The following RSPH14 variants were observed in gnomAD, a reference collection of about 807,000 sequenced individuals.
The protein encoded by RSPH14 is rhabdoid tumor deletion region gene 1.
RSPH14 carries 20 observed loss-of-function variants against 26.7 expected under a neutral mutation model. The observed-to-expected ratio is 0.75, with a 90% CI of 0.53 to 1.09. The LOEUF is 1.09. RSPH14 is among the 50% of genes least tolerant of loss of function. The probability of loss-of-function intolerance (pLI) is 0.00; values close to 1 mark genes in which losing one functional copy is unlikely to be tolerated. For missense variants in RSPH14, 449 were observed against 457.2 expected, an observed-to-expected ratio of 0.98 and a Z score of 0.16; for synonymous variants, 177 against 189.3, an observed-to-expected ratio of 0.93 and a Z score of 0.53.
the RSPH14 span, chr22:23,153,692 CTTTTT>C: frequency 9.8e-4 from 269 of 273,160 alleles, no homozygotes; most frequent in South Asian, 1.8e-3. Flanking sequence ...CCACTTCTGT[CTTTTT>C]TTTTTTTTTT....
chr22:23,069,642 C>G (rs2041299079), intron 4 of RSPH14, among the ~76,000 whole-genome samples: 1 of 152,172 alleles, frequency 6.6e-6, no homozygotes, highest in South Asian at 2.1e-4. Flanking sequence ...TTCCTTCCCT[C>G]CCAAGGCCAC....
chr22:23,103,496 C>G (rs1239672915), intron 4 of RSPH14, among the ~76,000 whole-genome samples: 1 of 152,178 alleles, frequency 6.6e-6, no homozygotes, highest in Non-Finnish European at 1.5e-5. Context: ...AGCTCTGACC[C>G]TGTGGCCGCG....
At chr22:23,158,174 A>G in the RSPH14 span, 2 of 1,512,446 alleles carry the variant, frequency 1.3e-6, no homozygotes, top group Middle Eastern at 2.2e-4. Flanking sequence ...TGTCAGAACC[A>G]GCTGCCCACG....
intron 4 of RSPH14, among the ~76,000 whole-genome samples, chr22:23,088,189 C>T (rs191906824): frequency 2.0e-5 from 3 of 152,298 alleles, no homozygotes; most frequent in Non-Finnish European, 4.4e-5. Context: ...CCCATACTCA[C>T]GCAGCAAGTC....
intron 4 of RSPH14, among the ~76,000 whole-genome samples, chr22:23,119,928 TG>T (rs2069963427): frequency 6.6e-6 from 1 of 152,290 alleles, no homozygotes; most frequent in Admixed American, 6.5e-5. Flanking sequence ...TCCCATGGTT[TG>T]TCTCAAGGAA....
At chr22:23,155,923 G>A in the RSPH14 span, 1 of 1,550,078 alleles carries the variant, frequency 6.5e-7, no homozygotes, top group Non-Finnish European at 8.8e-7. Flanking sequence ...CACTGTGATT[G>A]TGTAGCCTGA....
chr22:23,179,744 G>C, the RSPH14 span: 30 of 180,544 alleles, frequency 1.7e-4, no homozygotes, highest in East Asian at 3.7e-3. Flanking sequence ...CACAACGTGA[G>C]AGGCCCGCTG....
the RSPH14 span, among the ~76,000 whole-genome samples, chr22:23,171,311 T>C: frequency 4.6e-5 from 7 of 152,100 alleles, no homozygotes; most frequent in African/African-American, 1.7e-4. Flanking sequence ...GGAAACCTGA[T>C]GGTCATCATG....
At chr22:23,110,485 G>C (rs2069613682) in intron 4 of RSPH14, among the ~76,000 whole-genome samples, 1 of 152,134 alleles carries the variant, frequency 6.6e-6, no homozygotes, top group African/African-American at 2.4e-5. Context: ...CCTGCCCACT[G>C]CCCTGTCTCT....
the RSPH14 span, chr22:23,163,169 C>G: frequency 6.0e-6 from 1 of 167,522 alleles, no homozygotes; most frequent in East Asian, 1.8e-4. Context: ...CCTCGGCCTC[C>G]CGAAGTGCTG....
intron 6 of RSPH14, among the ~76,000 whole-genome samples, chr22:23,060,334 G>T (rs112231043): frequency 1.4e-4 from 22 of 151,916 alleles, no homozygotes; most frequent in Non-Finnish European, 3.1e-4. Flanking sequence ...AGCCGGGCAT[G>T]GTGGCGGGCG....
upstream of RSPH14, among the ~76,000 whole-genome samples, chr22:23,147,091 C>T (rs1044707275): frequency 6.6e-6 from 1 of 152,156 alleles, no homozygotes; most frequent in African/African-American, 2.4e-5. Flanking sequence ...TGCTGTTGTT[C>T]TCATCATCGT....
chr22:23,137,667 TTCTTG>T (rs1297703658), intron 3 of RSPH14: 2 of 553,070 alleles, frequency 3.6e-6, no homozygotes, highest in African/African-American at 3.8e-5. Context: ...CACCTTGCCT[TTCTTG>T]TCTTTTCTTC....
chr22:23,165,514 G>A, the RSPH14 span, among the ~76,000 whole-genome samples: 1 of 152,202 alleles, frequency 6.6e-6, no homozygotes, highest in Non-Finnish European at 1.5e-5. Flanking sequence ...ACAGGTCTCG[G>A]GAAGGACACT....
At chr22:23,104,609 G>A (rs2069406208) in intron 4 of RSPH14, among the ~76,000 whole-genome samples, 1 of 152,230 alleles carries the variant, frequency 6.6e-6, no homozygotes, top group South Asian at 2.1e-4. Context: ...GTATAATCCA[G>A]TAACTGAAAA....
chr22:23,166,207 G>A, the RSPH14 span, among the ~76,000 whole-genome samples: 23 of 141,746 alleles, frequency 1.6e-4, no homozygotes, highest in African/African-American at 6.0e-4. Context: ...GCCCCAATGT[G>A]TAAGTGCTTA....
chr22:23,129,963 A>G (rs1434692454), intron 4 of RSPH14, among the ~76,000 whole-genome samples: 2 of 150,736 alleles, frequency 1.3e-5, no homozygotes, highest in African/African-American at 4.9e-5. Context: ...AAAGAAAGAG[A>G]GAGGAAGAAA....
chr22:23,162,989 G>A, the RSPH14 span: 2 of 313,842 alleles, frequency 6.4e-6, no homozygotes. Flanking sequence ...TCGGCTCAGT[G>A]CAACCTCTGC....
In RSPH14 at chr22:23,140,021, A is replaced by C. The variant is rs139792195; in HGVS notation, c.199+201T>G. ...GGTTACAGTGAGCTATGATTCTGCC[A>C]CTGCACTCTAGTCTGGGAGATGGCA... On this transcript the variant is annotated intron_variant, in intron 2 of 6. Coordinates refer to ENST00000216036, the MANE Select transcript of RSPH14 (RefSeq NM_014433.3). Among the ~76,000 whole-genome samples the C allele has an allele frequency of 3.2e-3, 488 of 152,336 alleles. 3 individuals are homozygous for C. The highest frequency in any genetic ancestry group is 0.011 in the African/African-American group (460 of 41,570).
Sources: gnomAD v4.1 joint callset for allele counts (sites outside exome capture counted in the v4.1 genomes callset) on GRCh38, gnomAD v4.1.1 for gene constraint, MANE v1.5 for transcripts, NCBI Gene and HGNC (gene_info 2026-07-23, HGNC 2026-07-21) for gene names.